The following USH2A variants were observed in gnomAD, a reference collection of about 807,000 sequenced individuals.
USH2A encodes the protein Usher syndrome 2A (autosomal recessive, mild).
Under a neutral mutation model 538.9 loss-of-function variants are expected in USH2A, and 443 were observed. That is an observed-to-expected ratio of 0.82 (90% CI 0.76 to 0.89). The LOEUF is 0.89. Among genes scored for constraint, USH2A ranks in the 40% least tolerant of loss-of-function variants. The pLI, the probability that USH2A is intolerant of heterozygous loss-of-function variation, is 0.00. For synonymous variants in USH2A, 2,413 were observed against 2,273.5 expected (o/e 1.06, Z -1.75); for missense variants, 6,633 against 6,324.8 (o/e 1.05, Z -1.65).
At chr1:216,283,962 A>T (rs572546953) in intron 11 of USH2A, among the ~76,000 whole-genome samples, 2 of 152,176 alleles carry the variant, frequency 1.3e-5, no homozygotes, top group African/African-American at 2.4e-5. Flanking sequence ...CTGAGTATCA[A>T]GTTTTTCTTC....
rs6679594 is a variant in USH2A at position 216,325,846 on chromosome 1, A to G, written c.849-247T>C. 0.03 allele frequency among the ~76,000 whole-genome samples: 4,528 copies of G among 152,310 alleles called. 215 individuals are homozygous for G. Among genetic ancestry groups the G allele is most frequent in the African/African-American group, 0.1 (4,226 of 41,554 alleles). On this transcript the variant is annotated intron_variant, in intron 5 of 71. Transcript: ENST00000307340. ...TTTTTATTTATATCAAGAAGCATGC[A>G]TAAGCCCTTGTCTGATTATTAAGAT...
chr1:215,941,944 C>T (rs1666646375), intron 37 of USH2A, among the ~76,000 whole-genome samples: 1 of 152,058 alleles, frequency 6.6e-6, no homozygotes, highest in South Asian at 2.1e-4. Context: ...GTCATGGTAT[C>T]ACCACGAACT....
intron 61 of USH2A, among the ~76,000 whole-genome samples, chr1:215,713,445 A>AT (rs1052862292): frequency 3.0e-4 from 46 of 150,978 alleles, no homozygotes; most frequent in Admixed American, 1.3e-3. Flanking sequence ...GAGTATTTTG[A>AT]TTTTTTTTTT....
At chr1:216,398,683 C>T (rs559963475) in intron 3 of USH2A, among the ~76,000 whole-genome samples, 1 of 152,222 alleles carries the variant, frequency 6.6e-6, no homozygotes, top group East Asian at 1.9e-4. Context: ...GTTTTTGATT[C>T]CCTTTCACAG....
At chr1:215,799,625 G>C (rs1662259998) in intron 49 of USH2A, among the ~76,000 whole-genome samples, 1 of 152,054 alleles carries the variant, frequency 6.6e-6, no homozygotes, top group African/African-American at 2.4e-5. Flanking sequence ...TACTTCTCTG[G>C]GCTATGTCAC....
chr1:215,831,346 C>T lies in USH2A; in HGVS notation c.9371+6645G>A, dbSNP rs576746507. Among the ~76,000 whole-genome samples, 184 of 152,138 alleles carry T rather than the reference C, an allele frequency of 1.2e-3. 1 individual carries two copies. Among genetic ancestry groups the T allele is most frequent in the Non-Finnish European group, 2.3e-3 (159 of 67,974 alleles). ...GTAAGTATATAGATGATCTGAACAC[C>T]ATTATCACTCAACTTGATCTAATTG... On this transcript the variant is annotated intron_variant, in intron 47 of 71. Coordinates refer to ENST00000307340, the MANE Select transcript of USH2A (RefSeq NM_206933.4).
Position 216,246,687 on chromosome 1 carries a change from C to G in USH2A, c.2707G>C (p.Asp903His). The G allele has an allele frequency of 6.2e-7, 1 of 1,614,128 alleles. No individual in the cohort carries two copies. The highest frequency in any genetic ancestry group is 1.3e-5 in the African/African-American group (1 of 75,046). ...GTCCCAGGTAATGTCCCCAAGGAAT[C>G]ACACTCACACATCTGGCAGTGTTGA... ...NFQHCQMCEC[D>H]SLGTLPGTIC... is the part of the protein sequence containing the mutation. The change falls in exon 13 of 72, where the codon GAT (aspartate) becomes CAT (histidine). Residue 903 changes from aspartate to histidine, a missense_variant. By Grantham distance (81) the Asp-to-His change is moderately conservative. Coordinates refer to ENST00000307340, the MANE Select transcript of USH2A (RefSeq NM_206933.4).
intron 21 of USH2A, among the ~76,000 whole-genome samples, chr1:216,141,945 T>C (rs1189917750): frequency 7.8e-6 from 1 of 128,982 alleles, no homozygotes; most frequent in Non-Finnish European, 1.7e-5. Flanking sequence ...GAATCTGAAA[T>C]TAGGAAATGA....
chr1:215,965,534 G>C, intron 36 of USH2A, 55 bp from the exon 37 acceptor site: 1 of 1,590,006 alleles, frequency 6.3e-7, no homozygotes, highest in Non-Finnish European at 8.6e-7. Flanking sequence ...TACATGCTTC[G>C]CTTTGAGCAT....
chr1:215,991,761 AGTT>A (rs1272012771), intron 35 of USH2A, among the ~76,000 whole-genome samples: 1 of 152,234 alleles, frequency 6.6e-6, no homozygotes, highest in Non-Finnish European at 1.5e-5. Context: ...TTGTAGTTCT[AGTT>A]GTATTAACCA....
rs773136439 is a variant in USH2A at position 216,174,362 on chromosome 1, GTTTTT to G, written c.4627+885_4627+889del. Reference sequence around the variant, plus strand: ...GGAAAAATGGTGTACCATAAGTAGAGTTTTTTTACAGCTATATTGAAATCATGCTA... The same window carrying G: ...GGAAAAATGGTGTACCATAAGTAGAGTTACAGCTATATTGAAATCATGCTA... On this transcript the variant is annotated intron_variant, in intron 21 of 71. Transcript: ENST00000307340. 36 of 984,030 alleles carry G rather than the reference GTTTTT, an allele frequency of 3.7e-5. 2 individuals carry two copies. Among genetic ancestry groups the G allele is most frequent in the Admixed American group, 3.1e-4 (5 of 16,234 alleles). 61.0% of individuals were successfully genotyped at this position (984,030 alleles called of 1,614,324 possible). A position where few individuals can be genotyped will look rare whatever the true frequency, so the allele number is the denominator to read the frequency against.
intron 21 of USH2A, among the ~76,000 whole-genome samples, chr1:216,112,552 C>T (rs913823194): frequency 1.3e-5 from 2 of 152,044 alleles, no homozygotes; most frequent in African/African-American, 2.4e-5. Context: ...CAGATGATTT[C>T]ATTATACAAG....
At chr1:215,843,263 T>C (rs11120666) in intron 46 of USH2A, among the ~76,000 whole-genome samples, 61,739 of 152,006 alleles carry the variant, frequency 0.41, 12,835 homozygotes, top group Admixed American at 0.53. Flanking sequence ...ACGAAGCTCT[T>C]ATGAATTTTA....
chr1:216,089,975 T>G (rs992985370), intron 22 of USH2A, among the ~76,000 whole-genome samples: 2 of 151,932 alleles, frequency 1.3e-5, no homozygotes, highest in African/African-American at 4.8e-5. Context: ...ATATCCCAAC[T>G]TTGTCACCAA....
intron 11 of USH2A, among the ~76,000 whole-genome samples, chr1:216,267,349 A>G (rs2036493003): frequency 1.3e-5 from 2 of 152,130 alleles, no homozygotes; most frequent in Admixed American, 1.3e-4. Context: ...CCTGACAGAT[A>G]TATTTCCAGG....
chr1:216,364,568 T>G (rs1278404142), intron 4 of USH2A, among the ~76,000 whole-genome samples: 1 of 152,046 alleles, frequency 6.6e-6, no homozygotes, highest in Non-Finnish European at 1.5e-5. Context: ...CAATGACAAG[T>G]GTCCTTATAA....
intron 58 of USH2A, among the ~76,000 whole-genome samples, chr1:215,757,221 C>A (rs988887173): frequency 6.6e-6 from 1 of 152,156 alleles, no homozygotes; most frequent in Non-Finnish European, 1.5e-5. Flanking sequence ...TATCTTAGAG[C>A]AACTTATATT....
chr1:216,353,815 T>C (rs370775760), intron 4 of USH2A, among the ~76,000 whole-genome samples: 21 of 152,274 alleles, frequency 1.4e-4, no homozygotes, highest in African/African-American at 5.1e-4. Flanking sequence ...AGATAAGCCC[T>C]AAAGTCATTA....
chr1:215,947,164 C>A (rs1666780495), intron 37 of USH2A, among the ~76,000 whole-genome samples: 1 of 151,860 alleles, frequency 6.6e-6, no homozygotes, highest in Non-Finnish European at 1.5e-5. Context: ...ACCCCAGCCT[C>A]CTGAGTAGCT....
Sources: allele counts gnomAD v4.1 joint callset (sites outside exome capture counted in the v4.1 genomes callset), GRCh38; gene constraint gnomAD v4.1.1; transcripts MANE v1.5; gene names NCBI Gene and HGNC (gene_info 2026-07-23, HGNC 2026-07-21).